Variants in CD34 observed in about 807,000 individuals in gnomAD.
The protein encoded by CD34 is CD34 molecule.
In CD34, 34 loss-of-function variants were observed where a neutral mutation model predicts 40.1. The ratio of observed to expected loss-of-function variants is 0.85; its 90% CI spans 0.65 to 1.13. The LOEUF (loss-of-function observed/expected upper bound fraction) is 1.13. Ranked by LOEUF, CD34 falls within the 50% of genes most tolerant of loss-of-function variation. The pLI, the probability that CD34 is intolerant of heterozygous loss-of-function variation, is 0.00. For synonymous variants in CD34, 209 were observed against 190.0 expected (o/e 1.10, Z -0.82); for missense variants, 426 against 466.9 (o/e 0.91, Z 0.81).
At chr1:207,897,720 G>A (rs759615557) in intron 3 of CD34, 147 bp from the exon 4 acceptor site, 75 of 659,466 alleles carry the variant, frequency 1.1e-4, no homozygotes, top group Middle Eastern at 5.0e-4. Flanking sequence ...AATTTGTCAG[G>A]GGACTAGAGA....
chr1:207,910,987 G>C lies in CD34; in HGVS notation c.79+15C>G, dbSNP rs1486279564. On this transcript the variant is annotated intron_variant, in intron 1 of 7. Transcript: ENST00000310833. ...CGGCGAAGCCAAGCGGCCGCGGCGC[G>C]CGGGCGGTACTCACGCAGCAAACTC... 9 of 1,568,820 alleles carry C rather than the reference G, an allele frequency of 5.7e-6. No homozygotes were observed. In the East Asian group the frequency reaches 1.9e-4, roughly 32 times the overall value.
intron 1 of CD34, among the ~76,000 whole-genome samples, chr1:207,907,863 G>A (rs966217681): frequency 1.2e-4 from 19 of 152,150 alleles, no homozygotes; most frequent in African/African-American, 4.6e-4. Flanking sequence ...CAGCCCTGGC[G>A]ACTGTGAGAA....
intron 4 of CD34, among the ~76,000 whole-genome samples, chr1:207,893,239 C>G (rs562214865): frequency 6.6e-4 from 101 of 152,220 alleles, no homozygotes; most frequent in African/African-American, 2.3e-3. Context: ...CATTCTCAAA[C>G]TTTGCAAAGA....
chr1:207,889,271 C>A (rs1661978654), intron 5 of CD34, 58 bp from the exon 6 acceptor site: 7 of 1,613,064 alleles, frequency 4.3e-6, no homozygotes, highest in Admixed American at 1.7e-5. Context: ...TCCTGCTCCA[C>A]CCTCCCATGC....
chr1:207,894,148 C>T (rs1662094148), intron 4 of CD34, among the ~76,000 whole-genome samples: 1 of 152,226 alleles, frequency 6.6e-6, no homozygotes, highest in East Asian at 1.9e-4. Flanking sequence ...GGGAAAAAGC[C>T]CAAGTGTCCA....
intron 4 of CD34, chr1:207,890,380 C>T (rs1662007211): frequency 3.5e-6 from 1 of 284,194 alleles, no homozygotes; most frequent in Non-Finnish European, 5.3e-6. Flanking sequence ...AAGACTTTCT[C>T]TTCAGTCCGG....
At chr1:207,895,978 T>TA in intron 4 of CD34, among the ~76,000 whole-genome samples, 1 of 152,354 alleles carries the variant, frequency 6.6e-6, no homozygotes, top group Admixed American at 6.5e-5. Context: ...CTATGCAAAC[T>TA]CATGTCTTCA....
In CD34 at chr1:207,888,769, G is replaced by T; in HGVS notation, c.885C>A (p.Val295=). Residue 295 remains valine, a synonymous_variant, in exon 7 of 8, where the codon GTC becomes GTA. Coordinates refer to ENST00000310833, the MANE Select transcript of CD34 (RefSeq NM_001025109.2). ...SYSQKTLIAL[V]TSGALLAVLG... Reference sequence around the variant, plus strand: ...AGACAGCCAGCAGGGCTCCCGAGGTGACCAGTGCAATCAGGGTCTTTTGGG... The same window carrying T: ...AGACAGCCAGCAGGGCTCCCGAGGTTACCAGTGCAATCAGGGTCTTTTGGG... 6.2e-7 allele frequency: 1 copy of T among 1,614,142 alleles called. No individual in the cohort carries two copies. Among genetic ancestry groups the T allele is most frequent in the South Asian group, 1.1e-5 (1 of 91,076 alleles).
intron 7 of CD34, 131 bp from the exon 8 acceptor site, chr1:207,888,054 G>C: frequency 6.2e-7 from 1 of 1,610,122 alleles, no homozygotes; most frequent in Non-Finnish European, 8.5e-7. Context: ...AGGAAGGATC[G>C]GAGGGAGGGT....
In CD34 at chr1:207,888,664, C is replaced by T. The variant is rs1661961701; in HGVS notation, c.972+18G>A. On this transcript the variant is annotated intron_variant, in intron 7 of 7. Transcript: ENST00000310833. ...CACTATCTTCCTCATTTCCTTTACC[C>T]TGGCCCCCAGAACTGACCAGCCTTT... 6.2e-7 allele frequency: 1 copy of T among 1,613,176 alleles called. No homozygotes were observed. The highest frequency in any genetic ancestry group is 1.7e-5 in the Admixed American group (1 of 59,972).
At chr1:207,894,263 C>CT (rs2102298755) in intron 4 of CD34, among the ~76,000 whole-genome samples, 1 of 152,280 alleles carries the variant, frequency 6.6e-6, no homozygotes, top group South Asian at 2.1e-4. Context: ...CATGGTTGGA[C>CT]TTTAAAGACA....
At chr1:207,887,982 T>C (rs1661940145) in intron 7 of CD34, 59 bp from the exon 8 acceptor site, 12 of 1,193,728 alleles carry the variant, frequency 1.0e-5, no homozygotes, top group Non-Finnish European at 1.3e-5. Context: ...AGACACTGGA[T>C]GGGAGAGGGG....
intron 1 of CD34, among the ~76,000 whole-genome samples, chr1:207,905,435 C>T (rs1013652439): frequency 6.6e-6 from 1 of 152,186 alleles, no homozygotes; most frequent in African/African-American, 2.4e-5. Context: ...CGTGCGTGGC[C>T]GGCTTTTACA....
At chr1:207,897,061 G>A (rs1953654) in intron 4 of CD34, among the ~76,000 whole-genome samples, 57,037 of 151,836 alleles carry the variant, frequency 0.38, 11,110 homozygotes, top group African/African-American at 0.44. Flanking sequence ...AAAGAGTTAC[G>A]TGTAAATATT....
In CD34 at chr1:207,884,482, G is replaced by C. The variant is rs1396618683; in HGVS notation, c.*3256C>G. 6.6e-6 allele frequency: 1 copy of C among 152,222 alleles called. No individual in the cohort carries two copies. Among genetic ancestry groups the C allele is most frequent in the Non-Finnish European group, 1.5e-5 (1 of 68,048 alleles). The allele number at this position is 152,222 out of a possible 1,614,324, so 9.4% of individuals were successfully genotyped here. On this transcript the variant is annotated 3_prime_UTR_variant, in exon 8 of 8. Coordinates refer to ENST00000310833, the MANE Select transcript of CD34 (RefSeq NM_001025109.2). Reference sequence around the variant, plus strand: ...CAGTGTCTGGCACATCATAAGACTTGATGAATGATTGAATGGTGGCTGGAA... The same window carrying C: ...CAGTGTCTGGCACATCATAAGACTTCATGAATGATTGAATGGTGGCTGGAA...
At chr1:207,890,268 A>G (rs1662005112) in intron 4 of CD34, 1 of 993,134 alleles carries the variant, frequency 1.0e-6, no homozygotes, top group Non-Finnish European at 1.2e-6. Context: ...ATTTGGACTC[A>G]GAAGAAAAAC....
At chr1:207,896,650 A>G (rs1662154039) in intron 4 of CD34, among the ~76,000 whole-genome samples, 2 of 152,206 alleles carry the variant, frequency 1.3e-5, no homozygotes, top group African/African-American at 4.8e-5. Context: ...AAAGCTAAAG[A>G]AACAAGATGC....
In CD34 at chr1:207,899,140, T is replaced by C. The variant is rs1662216527; in HGVS notation, c.349A>G (p.Ile117Val). ...GCTGGGGTGGTGAACACTGTGCTGA[T>C]TACAGAGGTCTGTGACTGGACAGAA... ...NSSVQSQTSV[I>V]STVFTTPANV... The change falls in exon 3 of 8, where the codon ATC becomes GTC. Residue 117 changes from isoleucine (I) to valine (V), a missense_variant. Ile to Val is a conservative substitution (Grantham distance 29). Transcript: ENST00000310833. 7 of 1,614,050 alleles carry C rather than the reference T, an allele frequency of 4.3e-6. 1 individual carries two copies. The South Asian group carries it at 6.6e-5, about 15-fold the overall frequency.
chr1:207,910,874 C>A lies in CD34; in HGVS notation c.79+128G>T, dbSNP rs1453831909. On this transcript the variant is annotated intron_variant, in intron 1 of 7. Coordinates refer to ENST00000310833, the MANE Select transcript of CD34 (RefSeq NM_001025109.2). ...GGCCCCGGGGGGAAGCAGCTGTGGG[C>A]GGCAGTGCGTGGGTTGGGCAGGGGT... The A allele has an allele frequency of 4.4e-6, 4 of 912,760 alleles. No individual in the cohort carries two copies. In the South Asian group the frequency reaches 4.7e-5, roughly 11 times the overall value. 56.5% of individuals were successfully genotyped at this position (912,760 alleles called of 1,614,324 possible). A position where few individuals can be genotyped will look rare whatever the true frequency, so the allele number is the denominator to read the frequency against.
Sources: allele counts gnomAD v4.1 joint callset (sites outside exome capture counted in the v4.1 genomes callset), GRCh38; gene constraint gnomAD v4.1.1; transcripts MANE v1.5; gene names NCBI Gene and HGNC (gene_info 2026-07-23, HGNC 2026-07-21).